KIF1A: variants seen among roughly 807,000 people sequenced by gnomAD.
The protein encoded by KIF1A is kinesin-like protein KIF1A.
KIF1A carries 46 observed loss-of-function variants against 227.3 expected under a neutral mutation model. The ratio of observed to expected loss-of-function variants is 0.20; its 90% CI spans 0.16 to 0.26. KIF1A has a LOEUF of 0.26. KIF1A is among the 10% of genes least tolerant of loss of function. The pLI, the probability that KIF1A is intolerant of heterozygous loss-of-function variation, is 1.00. For missense variants in KIF1A, 1,683 were observed against 2,485.9 expected (o/e 0.68, Z 6.87); for synonymous variants, 1,022 against 1,012.8 (o/e 1.01, Z -0.17).
intron 27 of KIF1A, among the ~76,000 whole-genome samples, chr2:240,755,065 A>C (rs2049677970): frequency 6.7e-6 from 1 of 150,240 alleles, no homozygotes. Context: ...TGTGTTTCCT[A>C]CCCCTCCTAT....
At chr2:240,791,481 C>T (rs1187095450) in intron 2 of KIF1A, among the ~76,000 whole-genome samples, 3 of 113,930 alleles carry the variant, frequency 2.6e-5, no homozygotes, top group Non-Finnish European at 3.9e-5. Flanking sequence ...TCGGGCTCCC[C>T]GCACAGGCCT....
intron 1 of KIF1A, 107 bp from the exon 2 acceptor site, chr2:240,797,919 C>T: frequency 1.7e-6 from 1 of 586,094 alleles, no homozygotes; most frequent in Non-Finnish European, 3.1e-6. Context: ...TCCAAAGCTC[C>T]CAGTGTGATA....
chr2:240,806,207 C>G lies in KIF1A; in HGVS notation c.-60-8395G>C, dbSNP rs573003708. ...TTTGACAGGTTGAGAAGATGGTGGT[C>G]AGAGTTTGGGTGGGCAGAGGCAGCT... On this transcript the variant is annotated intron_variant, in intron 1 of 48. Coordinates refer to ENST00000498729, the MANE Select transcript of KIF1A (RefSeq NM_001244008.2). Among the ~76,000 whole-genome samples the G allele has an allele frequency of 4.6e-5, 7 of 152,274 alleles. 1 individual carries two copies. Among genetic ancestry groups the G allele is most frequent in the African/African-American group, 1.7e-4 (7 of 41,548 alleles).
chr2:240,724,288 A>C, intron 40 of KIF1A: 1 of 540,910 alleles, frequency 1.8e-6, no homozygotes, highest in Non-Finnish European at 3.4e-6. Context: ...CCAGGCCCCC[A>C]CAGCAGCCTC....
intron 12 of KIF1A, among the ~76,000 whole-genome samples, chr2:240,773,980 C>G (rs1214858539): frequency 6.6e-6 from 1 of 152,212 alleles, no homozygotes; most frequent in East Asian, 1.9e-4. Context: ...AGCACACCCC[C>G]AAAGGCTCCA....
chr2:240,790,557 CT>C lies in KIF1A; in HGVS notation c.107-1246del, dbSNP rs1342323616. On this transcript the variant is annotated intron_variant, in intron 2 of 48. Coordinates refer to ENST00000498729, the MANE Select transcript of KIF1A (RefSeq NM_001244008.2). This position sits in a 1 kb window ranked among gnomAD's most constrained non-coding sequence, Gnocchi z 5.0. ...CAGTTACGAGTTAAACTGTGTCCCC[CT>C]AATTTCATATTTTGAAGCCTTTACC... 6.6e-6 allele frequency among the ~76,000 whole-genome samples: 1 copy of C among 152,006 alleles called. No individual in the cohort carries two copies. The highest frequency in any genetic ancestry group is 1.5e-5 in the Non-Finnish European group (1 of 67,992).
chr2:240,760,927 G>A, intron 24 of KIF1A, 84 bp from the exon 25 acceptor site: 2 of 1,324,688 alleles, frequency 1.5e-6, no homozygotes, highest in Non-Finnish European at 1.0e-6. Flanking sequence ...CCCACCTTCT[G>A]GAGATTTCAG....
At chr2:240,724,724 G>A (rs1297215537) in intron 40 of KIF1A, 2 of 160,616 alleles carry the variant, frequency 1.2e-5, no homozygotes, top group Non-Finnish European at 2.7e-5. Context: ...TGTTCAGCAC[G>A]CAAGCACGGC....
intron 41 of KIF1A, 55 bp downstream of exon 41, chr2:240,723,920 G>T: frequency 6.9e-7 from 1 of 1,441,822 alleles, no homozygotes; most frequent in Non-Finnish European, 9.8e-7. Flanking sequence ...ACCCCAAGTG[G>T]GCAGAGGTTG....
intron 15 of KIF1A, 48 bp downstream of exon 15, chr2:240,770,923 C>T: frequency 6.3e-7 from 1 of 1,598,976 alleles, no homozygotes; most frequent in Non-Finnish European, 8.5e-7. Context: ...CCTCCGAGCT[C>T]CCCACTCCCA....
chr2:240,799,093 G>T (rs573297966), intron 1 of KIF1A, among the ~76,000 whole-genome samples: 8 of 152,352 alleles, frequency 5.3e-5, no homozygotes, highest in African/African-American at 1.9e-4. Flanking sequence ...CTGTGAAGAA[G>T]GGACAAGCCC....
At position 240,792,083 on chromosome 2, in the gene KIF1A, C is replaced by A. The variant is rs2055785145; in HGVS notation, c.107-2771G>T. Among the ~76,000 whole-genome samples, 1 of 152,020 alleles carries A rather than the reference C, an allele frequency of 6.6e-6. No individual in the cohort carries two copies. The highest frequency in any genetic ancestry group is 2.1e-4 in the South Asian group (1 of 4,826). On this transcript the variant is annotated intron_variant, in intron 2 of 48. Transcript: ENST00000498729. This position sits in a 1 kb window ranked among gnomAD's most constrained non-coding sequence, Gnocchi z 4.5. ...CCATCCTCTGTCACTACAGATGGGC[C>A]CCAAGCTCCAGAGAGGGGAGGTCCT... is the stretch of plus-strand genomic sequence containing the variant.
At chr2:240,779,681 T>C (rs953850112) in intron 10 of KIF1A, among the ~76,000 whole-genome samples, 9 of 151,076 alleles carry the variant, frequency 6.0e-5, no homozygotes, top group African/African-American at 2.2e-4. Context: ...TCCTCACAGT[T>C]CCACACTCAC....
At chr2:240,784,204 G>A (rs1423490577) in intron 7 of KIF1A, among the ~76,000 whole-genome samples, 1 of 152,208 alleles carries the variant, frequency 6.6e-6, no homozygotes, top group Non-Finnish European at 1.5e-5. Flanking sequence ...AGGAGGCCCT[G>A]GCCCTGCTCA....
At chr2:240,754,789 G>A (rs936719613) in intron 27 of KIF1A, among the ~76,000 whole-genome samples, 10 of 152,018 alleles carry the variant, frequency 6.6e-5, no homozygotes, top group Admixed American at 1.3e-4. Flanking sequence ...GACGCCATCC[G>A]CAGCCATGCT....
intron 28 of KIF1A, among the ~76,000 whole-genome samples, chr2:240,749,124 CAA>C (rs71049518): frequency 0.034 from 4,509 of 132,264 alleles, 234 homozygotes; most frequent in African/African-American, 0.12. Flanking sequence ...AGACTTTGTC[CAA>C]AAAAAAAAAA....
At chr2:240,720,685 C>G (rs2045241629) in intron 45 of KIF1A, 1 of 394,538 alleles carries the variant, frequency 2.5e-6, no homozygotes, top group Admixed American at 4.0e-5. Flanking sequence ...TTCTGGTCTT[C>G]TTCAGGGAAG....
rs2125874186 is a variant in KIF1A at position 240,758,268 on chromosome 2, C to T, written c.2582+92G>A. On this transcript the variant is annotated intron_variant, in intron 26 of 48. Coordinates refer to ENST00000498729, the MANE Select transcript of KIF1A (RefSeq NM_001244008.2). The surrounding 1 kb of genome is among the most constrained non-coding windows in gnomAD (Gnocchi z 5.2). ...GCTGGAAAAGCACTTGTCAGGGCCG[C>T]TCCTTGTATCAGGCCAGGGCCCACT... The T allele has an allele frequency of 2.1e-6, 3 of 1,423,508 alleles. No homozygotes were observed. Among genetic ancestry groups the T allele is most frequent in the South Asian group, 1.4e-5 (1 of 69,512 alleles). 88.2% of individuals were successfully genotyped at this position (1,423,508 alleles called of 1,614,324 possible).
chr2:240,717,213 A>G lies in KIF1A; in HGVS notation c.*151T>C, dbSNP rs886182139. ...GGGAGCACAGCTGGTCGTGTGGCAC[A>G]GGTCCCCGGGCCTGGCATGGGCGTC... On this transcript the variant is annotated 3_prime_UTR_variant, in exon 49 of 49. Coordinates refer to ENST00000498729, the MANE Select transcript of KIF1A (RefSeq NM_001244008.2). 2 of 644,676 alleles carry G rather than the reference A, an allele frequency of 3.1e-6. No homozygotes were observed. Among genetic ancestry groups the G allele is most frequent in the Admixed American group, 5.2e-5 (2 of 38,740 alleles). The allele number at this position is 644,676 out of a possible 1,614,324, so 39.9% of individuals were successfully genotyped here. A position where few individuals can be genotyped will look rare whatever the true frequency, so the allele number is the denominator to read the frequency against.
Sources: allele counts gnomAD v4.1 joint callset (sites outside exome capture counted in the v4.1 genomes callset), GRCh38; gene constraint gnomAD v4.1.1; non-coding constraint Gnocchi (gnomAD v3.1); transcripts MANE v1.5; gene names NCBI Gene and HGNC (gene_info 2026-07-23, HGNC 2026-07-21).